The following STK4 variants were observed in gnomAD, a reference collection of about 807,000 sequenced individuals.
The protein encoded by STK4 is serine/threonine-protein kinase 4.
Under a neutral mutation model 64.9 loss-of-function variants are expected in STK4, and 30 were observed. The observed-to-expected ratio is 0.46, with a 90% CI of 0.35 to 0.63. STK4 has a LOEUF of 0.63. STK4 is among the 20% of genes least tolerant of loss of function. The pLI, the probability that STK4 is intolerant of heterozygous loss-of-function variation, is 0.01. For missense variants in STK4, 466 were observed against 598.5 expected (o/e 0.78, Z 2.31); for synonymous variants, 177 against 199.0 (o/e 0.89, Z 0.93).
intron 10 of STK4, among the ~76,000 whole-genome samples, chr20:45,040,694 G>A (rs1176319905): frequency 6.6e-6 from 1 of 151,410 alleles, no homozygotes; most frequent in Non-Finnish European, 1.5e-5. Context: ...AGAGACCACA[G>A]TCTGGGTGCA....
intron 9 of STK4, among the ~76,000 whole-genome samples, chr20:45,012,796 C>CTTTTTTT (rs11472577): frequency 3.9e-5 from 3 of 77,852 alleles, no homozygotes; most frequent in African/African-American, 1.1e-4. Flanking sequence ...TCTTCTTCTT[C>CTTTTTTT]TTCTTTTTTT....
At chr20:45,021,818 A>G (rs914985821) in intron 9 of STK4, among the ~76,000 whole-genome samples, 1 of 152,228 alleles carries the variant, frequency 6.6e-6, no homozygotes, top group Non-Finnish European at 1.5e-5. Context: ...CAGTATCATA[A>G]TCCTACTAGA....
chr20:45,001,466 C>A, intron 9 of STK4, 113 bp downstream of exon 9: 2 of 1,286,804 alleles, frequency 1.6e-6, no homozygotes, highest in Non-Finnish European at 2.1e-6. Context: ...TTTGTCACAA[C>A]CAAAGGAGTA....
At position 45,078,646 on chromosome 20, in the gene STK4, A is replaced by G. The variant is rs1051404818; in HGVS notation, c.*3470A>G. On this transcript the variant is annotated 3_prime_UTR_variant, in exon 11 of 11. Transcript: ENST00000372806. The stretch of plus-strand genomic sequence containing the variant: ...GATGAATGTTTGACGGGGAAGAGGA[A>G]GGGTAGGAGGATGCATGGATGAGTG... 6.6e-6 allele frequency: 1 copy of G among 151,486 alleles called. No homozygotes were observed. The highest frequency in any genetic ancestry group is 2.4e-5 in the African/African-American group (1 of 41,156). The allele number at this position is 151,486 out of a possible 1,614,324, so 9.4% of individuals were successfully genotyped here. A position where few individuals can be genotyped will look rare whatever the true frequency, so the allele number is the denominator to read the frequency against.
chr20:44,976,398 C>G (rs78770958), intron 2 of STK4, among the ~76,000 whole-genome samples: 1 of 152,128 alleles, frequency 6.6e-6, no homozygotes, highest in Admixed American at 6.5e-5. Context: ...AGGAAAGACA[C>G]GAGCCCTCAG....
At chr20:44,976,905 A>G (rs2067348486) in intron 2 of STK4, among the ~76,000 whole-genome samples, 6 of 152,196 alleles carry the variant, frequency 3.9e-5, no homozygotes, top group Admixed American at 3.9e-4. Flanking sequence ...GGGAAGTGGC[A>G]GGTGGAAATG....
In STK4 at chr20:45,070,322, T is replaced by G. The variant is rs564486596; in HGVS notation, c.1306-4696T>G. On this transcript the variant is annotated intron_variant, in intron 10 of 10. Coordinates refer to ENST00000372806, the MANE Select transcript of STK4 (RefSeq NM_006282.5). Reference sequence around the variant, plus strand: ...TTTAATTATGTTTGTTGCTGTGAGATGATGGCAGCCTGGACCAAGGTAGAT... The same window carrying G: ...TTTAATTATGTTTGTTGCTGTGAGAGGATGGCAGCCTGGACCAAGGTAGAT... Among the ~76,000 whole-genome samples, 4 of 152,280 alleles carry G rather than the reference T, an allele frequency of 2.6e-5. No homozygotes were observed. In the South Asian group the frequency reaches 6.2e-4, roughly 24 times the overall value.
chr20:44,977,423 T>C lies in STK4; in HGVS notation c.117-1020T>C, dbSNP rs576279147. 1.8e-4 allele frequency among the ~76,000 whole-genome samples: 27 copies of C among 152,298 alleles called. No individual in the cohort carries two copies. The Middle Eastern group carries it at 0.01, about 58-fold the overall frequency. On this transcript the variant is annotated intron_variant, in intron 2 of 10. Transcript: ENST00000372806. ...AAGACAGTGTGAAGATACAGATGTG[T>C]TGGGAAATATGAAAGACAGTTTACT...
chr20:44,978,723 A>G lies in STK4; in HGVS notation c.245+152A>G, dbSNP rs753745483. ...GTGCATTTTCTTTTCAGAAAAAAAT[A>G]TGATGATAATGGTTGTTTTTGTAGC... On this transcript the variant is annotated intron_variant, in intron 3 of 10. Transcript: ENST00000372806. 1.9e-5 allele frequency: 16 copies of G among 855,080 alleles called. 1 individual carries two copies. The highest frequency in any genetic ancestry group is 1.3e-4 in the African/African-American group (7 of 55,888). The allele number at this position is 855,080 out of a possible 1,614,324, so 53.0% of individuals were successfully genotyped here.
chr20:44,966,945 A>G (rs537527308), intron 1 of STK4, among the ~76,000 whole-genome samples: 144 of 152,272 alleles, frequency 9.5e-4, no homozygotes, highest in Non-Finnish European at 1.5e-3. Context: ...ATGCTGAAGC[A>G]GGGTGAGAAT....
chr20:45,012,966 T>A (rs1054611865), intron 9 of STK4, among the ~76,000 whole-genome samples: 6 of 140,702 alleles, frequency 4.3e-5, no homozygotes, highest in Non-Finnish European at 7.7e-5. Flanking sequence ...TTTTTTTTTT[T>A]TTTTTTTTTT....
At chr20:45,056,310 G>C (rs924803005) in intron 10 of STK4, among the ~76,000 whole-genome samples, 1 of 152,080 alleles carries the variant, frequency 6.6e-6, no homozygotes, top group African/African-American at 2.4e-5. Context: ...CTAAAGTTTT[G>C]TCTTTTCTGG....
At chr20:45,032,348 G>C (rs142205847) in intron 10 of STK4, among the ~76,000 whole-genome samples, 2 of 152,102 alleles carry the variant, frequency 1.3e-5, no homozygotes, top group Non-Finnish European at 2.9e-5. Flanking sequence ...TGGGGGTTTG[G>C]TGTACAGATT....
intron 10 of STK4, among the ~76,000 whole-genome samples, chr20:45,045,563 G>A (rs969955310): frequency 1.3e-5 from 2 of 152,166 alleles, no homozygotes; most frequent in Non-Finnish European, 2.9e-5. Context: ...CAGGTTTATT[G>A]CATCTTCCTG....
At chr20:45,060,859 G>A (rs776106728) in intron 10 of STK4, among the ~76,000 whole-genome samples, 20 of 152,268 alleles carry the variant, frequency 1.3e-4, no homozygotes, top group African/African-American at 2.9e-4. Context: ...CACAACTAGC[G>A]TGAAGGGAGC....
chr20:45,022,122 C>T (rs2068259006), intron 9 of STK4, among the ~76,000 whole-genome samples: 3 of 152,088 alleles, frequency 2.0e-5, no homozygotes, highest in Admixed American at 1.3e-4. Context: ...TTCCGTTCTT[C>T]TGTCTCCAAA....
At chr20:45,015,314 T>C (rs2068121513) in intron 9 of STK4, among the ~76,000 whole-genome samples, 1 of 152,174 alleles carries the variant, frequency 6.6e-6, no homozygotes, top group African/African-American at 2.4e-5. Flanking sequence ...TTGAAAGGGG[T>C]TGTTAGAACA....
At chr20:45,038,584 A>G (rs1435489623) in intron 10 of STK4, among the ~76,000 whole-genome samples, 3 of 152,046 alleles carry the variant, frequency 2.0e-5, no homozygotes, top group African/African-American at 4.8e-5. Context: ...TATAGTTTCA[A>G]CCTTCATTCG....
intron 9 of STK4, among the ~76,000 whole-genome samples, chr20:45,005,416 C>A (rs1014805605): frequency 5.9e-5 from 9 of 152,060 alleles, no homozygotes; most frequent in African/African-American, 2.2e-4. Context: ...GAGGCCGAGG[C>A]AGGCGGATCA....
Sources: gnomAD v4.1 joint callset for allele counts (sites outside exome capture counted in the v4.1 genomes callset) on GRCh38, gnomAD v4.1.1 for gene constraint, MANE v1.5 for transcripts, NCBI Gene and HGNC (gene_info 2026-07-23, HGNC 2026-07-21) for gene names.